The following SHROOM4 variants were observed in gnomAD, a reference collection of about 807,000 sequenced individuals.
SHROOM4 encodes the protein shroom family member 4.
A neutral mutation model predicts 80.3 loss-of-function variants in SHROOM4; 17 were observed. The ratio of observed to expected loss-of-function variants is 0.21; its 90% CI spans 0.14 to 0.32. The LOEUF is 0.32. Ranked by LOEUF, SHROOM4 falls within the 10% of genes least tolerant of loss-of-function variation. The pLI is 1.00. For missense variants in SHROOM4, 993 were observed against 1,140.3 expected, an observed-to-expected ratio of 0.87 and a Z score of 1.86; for synonymous variants, 400 against 437.5, an observed-to-expected ratio of 0.91 and a Z score of 1.07.
intron 1 of SHROOM4, among the ~76,000 whole-genome samples, chrX:50,809,845 G>A (rs1459831037): frequency 8.9e-6 from 1 of 112,072 alleles, no homozygotes; most frequent in Non-Finnish European, 1.9e-5. Context: ...ATGAGGTAGC[G>A]TAACATGTTA....
At chrX:50,730,022 A>G (rs1484526894) in intron 1 of SHROOM4, among the ~76,000 whole-genome samples, 2 of 112,221 alleles carry the variant, frequency 1.8e-5, no homozygotes, top group Admixed American at 1.9e-4. Flanking sequence ...TCAAAGTGAC[A>G]CCAGAGAGTA....
At chrX:50,662,682 A>G (rs782057556) in intron 2 of SHROOM4, among the ~76,000 whole-genome samples, 6 of 112,226 alleles carry the variant, frequency 5.3e-5, no homozygotes, top group Non-Finnish European at 9.4e-5. Flanking sequence ...CCCATTTTAC[A>G]GAAAAGGAAA....
rs1464916506 is a variant in SHROOM4 at position 50,589,010 on chromosome X, A to G, written c.*7685T>C. ...ATCCATTCTACCACAATATTTGCCTAGAAATATTGCCCCTCCTTCCCAATA... is the reference window on the plus strand; with the variant it reads ...ATCCATTCTACCACAATATTTGCCTGGAAATATTGCCCCTCCTTCCCAATA... On this transcript the variant is annotated 3_prime_UTR_variant, in exon 9 of 9. Transcript: ENST00000376020. Among the ~76,000 whole-genome samples, 1 of 111,916 alleles carries G rather than the reference A, an allele frequency of 8.9e-6. No homozygotes were observed. Among genetic ancestry groups the G allele is most frequent in the East Asian group, 2.8e-4 (1 of 3,557 alleles).
intron 2 of SHROOM4, among the ~76,000 whole-genome samples, chrX:50,678,662 G>A (rs782183764): frequency 9.0e-6 from 1 of 111,045 alleles, no homozygotes; most frequent in East Asian, 2.8e-4. Flanking sequence ...ATGTTTTGAG[G>A]GTCTGGCAGA....
chrX:50,806,505 A>T (rs2147743073), intron 1 of SHROOM4, among the ~76,000 whole-genome samples: 1 of 111,898 alleles, frequency 8.9e-6, no homozygotes, highest in East Asian at 2.8e-4. Flanking sequence ...AAGGAGACAA[A>T]CCTCTACCCC....
Position 50,632,608 on chromosome X carries a change from A to C in SHROOM4, c.2895+570T>G, listed in dbSNP as rs1032964107. Among the ~76,000 whole-genome samples, 3 of 112,464 alleles carry C rather than the reference A, an allele frequency of 2.7e-5. No individual in the cohort carries two copies. The Admixed American group carries it at 2.8e-4, about 11-fold the overall frequency. The stretch of plus-strand genomic sequence containing the variant: ...GATTTGTCTTTTTAAAAACCCAACA[A>C]GTCAGATCTCTGAAAGCAAAGCCTG... On this transcript the variant is annotated intron_variant, in intron 4 of 8. Transcript: ENST00000376020.
At chrX:50,610,597 G>C (rs1414519536) in intron 5 of SHROOM4, among the ~76,000 whole-genome samples, 1 of 111,411 alleles carries the variant, frequency 9.0e-6, no homozygotes, top group East Asian at 2.8e-4. Context: ...TAAAATGTAA[G>C]CTCCATGAGG....
chrX:50,579,597 G>C, the SHROOM4 span, among the ~76,000 whole-genome samples: 4 of 111,650 alleles, frequency 3.6e-5, no homozygotes, highest in Non-Finnish European at 7.5e-5. Flanking sequence ...CAGATGTGCA[G>C]GAAATGTTCA....
chrX:50,810,430 T>C (rs1363714488), intron 1 of SHROOM4, among the ~76,000 whole-genome samples: 2 of 111,660 alleles, frequency 1.8e-5, no homozygotes, highest in African/African-American at 6.5e-5. Flanking sequence ...TCTGAGCATG[T>C]ATGCCACACC....
downstream of SHROOM4, among the ~76,000 whole-genome samples, chrX:50,584,862 C>G (rs1214087189): frequency 5.4e-5 from 6 of 110,812 alleles, no homozygotes; most frequent in East Asian, 1.7e-3. Flanking sequence ...ATTGAGCCAA[C>G]CAGATATAAA....
chrX:50,783,285 C>A (rs1477642170), intron 1 of SHROOM4, among the ~76,000 whole-genome samples: 1 of 111,634 alleles, frequency 9.0e-6, no homozygotes, highest in African/African-American at 3.3e-5. Flanking sequence ...TAGCAGTCAA[C>A]CATCAGAAGG....
intron 5 of SHROOM4, among the ~76,000 whole-genome samples, chrX:50,625,743 T>A (rs1227658933): frequency 9.0e-6 from 1 of 111,507 alleles, no homozygotes; most frequent in Admixed American, 9.5e-5. Flanking sequence ...CTGCAAACAC[T>A]GCAAAGTTGC....
chrX:50,633,519 A>G lies in SHROOM4; in HGVS notation c.2554T>C (p.Ser852Pro). ...QSYHSMSPLQSETPTYSECFA... is the reference protein window; with the variant it reads ...QSYHSMSPLQPETPTYSECFA... ...CATTCTGAGTAAGTGGGAGTTTCTG[A>G]CTGAAGGGGTGACATGGAATGATAT... Residue 852 changes from serine (S) to proline (P), a missense_variant, in exon 4 of 9, where the codon TCA becomes CCA. Physicochemically the swap from Ser to Pro is moderately conservative, Grantham distance 74. Transcript: ENST00000376020. The G allele has an allele frequency of 1.7e-6, 2 of 1,211,598 alleles. No individual in the cohort carries two copies. Among genetic ancestry groups the G allele is most frequent in the African/African-American group, 1.7e-5 (1 of 57,721 alleles).
At chrX:50,761,158 A>G (rs999362809) in intron 1 of SHROOM4, among the ~76,000 whole-genome samples, 4 of 110,966 alleles carry the variant, frequency 3.6e-5, no homozygotes, top group African/African-American at 9.8e-5. Flanking sequence ...CTAGTACCCA[A>G]TAGTTATTTT....
intron 1 of SHROOM4, among the ~76,000 whole-genome samples, chrX:50,751,850 C>T (rs1934925655): frequency 9.0e-6 from 1 of 111,729 alleles, no homozygotes; most frequent in African/African-American, 3.3e-5. Flanking sequence ...CAAGTTTGAA[C>T]CCCACTCCCG....
intron 1 of SHROOM4, among the ~76,000 whole-genome samples, chrX:50,754,601 C>G (rs1326352615): frequency 9.0e-6 from 1 of 111,312 alleles, no homozygotes; most frequent in Non-Finnish European, 1.9e-5. Context: ...CCAGAATAGT[C>G]AAGAATTACT....
chrX:50,748,137 TG>T (rs1476326955), intron 1 of SHROOM4, among the ~76,000 whole-genome samples: 1 of 111,602 alleles, frequency 9.0e-6, no homozygotes, highest in East Asian at 2.8e-4. Flanking sequence ...AGATCGAGGC[TG>T]GCTGGAACAA....
intron 2 of SHROOM4, chrX:50,643,712 T>G (rs1419168757): frequency 9.0e-6 from 1 of 111,456 alleles, no homozygotes; most frequent in Non-Finnish European, 1.9e-5. Context: ...ACAGCCCCCC[T>G]GCTCCCTACT....
intron 2 of SHROOM4, among the ~76,000 whole-genome samples, chrX:50,663,648 C>T (rs931327739): frequency 3.8e-4 from 42 of 111,024 alleles, no homozygotes; most frequent in African/African-American, 1.4e-3. Context: ...GATGGACCTC[C>T]TTTATGTTTC....
Sources: allele counts gnomAD v4.1 joint callset (sites outside exome capture counted in the v4.1 genomes callset), GRCh38; gene constraint gnomAD v4.1.1; transcripts MANE v1.5; gene names NCBI Gene and HGNC (gene_info 2026-07-23, HGNC 2026-07-21).